The following FRS2 variants were observed in gnomAD, a reference collection of about 807,000 sequenced individuals.
FRS2 encodes FGFR signalling adaptor.
A neutral mutation model predicts 43.9 loss-of-function variants in FRS2; 8 were observed. The observed-to-expected ratio is 0.18, with a 90% CI of 0.11 to 0.33. The LOEUF is 0.33. Among genes scored for constraint, FRS2 ranks in the 10% least tolerant of loss-of-function variants. The probability of loss-of-function intolerance (pLI) is 1.00; values close to 1 mark genes in which losing one functional copy is unlikely to be tolerated. For missense variants in FRS2, 534 were observed against 627.6 expected (o/e 0.85, Z 1.59); for synonymous variants, 219 against 220.3 (o/e 0.99, Z 0.05).
At chr12:69,491,626 A>G (rs568764349) in intron 1 of FRS2, 1 of 148,078 alleles carries the variant, frequency 6.8e-6, no homozygotes, top group South Asian at 2.2e-4. Flanking sequence ...TCAGCCTCCC[A>G]AGTAGGTAGG....
intron 1 of FRS2, among the ~76,000 whole-genome samples, chr12:69,502,123 G>A (rs1353587654): frequency 6.6e-6 from 1 of 151,866 alleles, no homozygotes; most frequent in Non-Finnish European, 1.5e-5. Context: ...CTGCCACCAC[G>A]CCCGGCTAAT....
In FRS2 at chr12:69,532,522, A is replaced by T. The variant is rs572418221; in HGVS notation, c.-122+466A>T. ...TGTGTCCTTGCATGGCAGAAGGTGG[A>T]GGGCAAGCAAAACTAATGCTGAGCA... On this transcript the variant is annotated intron_variant, in intron 3 of 8. Coordinates refer to ENST00000549921, the MANE Select transcript of FRS2 (RefSeq NM_001278356.2). Among the ~76,000 whole-genome samples the T allele has an allele frequency of 2.1e-3, 320 of 152,260 alleles. 9 individuals are homozygous for T. The Middle Eastern group carries it at 0.031, about 15-fold the overall frequency.
intron 1 of FRS2, among the ~76,000 whole-genome samples, chr12:69,496,041 A>G (rs982073659): frequency 1.3e-5 from 2 of 152,234 alleles, no homozygotes; most frequent in Admixed American, 1.3e-4. Flanking sequence ...TTAATATTTG[A>G]CTTACGATAA....
rs1287181147 is a variant in FRS2, at chr12:69,574,341, G to A, written c.913G>A (p.Val305Met). ...RRDAPSVNKL[V>M]YENINGLSIP... ...AGATGCACCCTCTGTTAACAAACTG[G>A]TGTATGAAAATATAAATGGGCTATC... The change falls in exon 9 of 9, where the codon GTG becomes ATG. Residue 305 changes from valine (V) to methionine (M), a missense_variant. By Grantham distance (21) the Val-to-Met change is conservative (BLOSUM62 1). Transcript: ENST00000549921. 29 of 1,613,904 alleles carry A rather than the reference G, an allele frequency of 1.8e-5. No homozygotes were observed. The highest frequency in any genetic ancestry group is 2.2e-5 in the Non-Finnish European group (26 of 1,179,852).
In FRS2 at chr12:69,578,735, T is replaced by C. The variant is rs1006943426; in HGVS notation, c.*3780T>C. ...TGTAAGACTATTGTATGTCCTAATT[T>C]GCATTATAAATGTTTTTTTCCTACG... On this transcript the variant is annotated 3_prime_UTR_variant, in exon 9 of 9. Coordinates refer to ENST00000549921, the MANE Select transcript of FRS2 (RefSeq NM_001278356.2). 2.0e-5 allele frequency: 3 copies of C among 152,678 alleles called. No homozygotes were observed. Among genetic ancestry groups the C allele is most frequent in the African/African-American group, 4.8e-5 (2 of 41,464 alleles). The allele number at this position is 152,678 out of a possible 1,614,324, so 9.5% of individuals were successfully genotyped here.
rs2099369140 is a variant in FRS2, at chr12:69,577,966, G to C, written c.*3011G>C. The C allele has an allele frequency of 6.6e-6, 1 of 152,592 alleles. No homozygotes were observed. Among genetic ancestry groups the C allele is most frequent in the Non-Finnish European group, 1.5e-5 (1 of 68,004 alleles). 9.5% of individuals were successfully genotyped at this position (152,592 alleles called of 1,614,324 possible). On this transcript the variant is annotated 3_prime_UTR_variant, in exon 9 of 9. Coordinates refer to ENST00000549921, the MANE Select transcript of FRS2 (RefSeq NM_001278356.2). The stretch of plus-strand genomic sequence containing the variant: ...GCGTTCAATGTTATAAATAGAACAA[G>C]TCAAGCTAGTGTTTATCTCCTCCCC...
chr12:69,562,194 C>G lies in FRS2; in HGVS notation c.-107C>G. On this transcript the variant is annotated 5_prime_UTR_variant, in exon 4 of 9. Transcript: ENST00000549921. ...TCTGTTTTTAGGTTAAATCAGCAAA[C>G]AAAGAAAACATGGTATTTTGAAATA... 2.5e-6 allele frequency: 1 copy of G among 398,094 alleles called. No individual in the cohort carries two copies. Among genetic ancestry groups the G allele is most frequent in the Non-Finnish European group, 4.4e-6 (1 of 225,828 alleles). 24.7% of individuals were successfully genotyped at this position (398,094 alleles called of 1,614,324 possible).
intron 1 of FRS2, among the ~76,000 whole-genome samples, chr12:69,518,156 A>T (rs1384375949): frequency 6.6e-6 from 1 of 152,172 alleles, no homozygotes; most frequent in Non-Finnish European, 1.5e-5. Flanking sequence ...GTGCTTTGAG[A>T]TATGGATTTA....
rs143289981 is a variant in FRS2, at chr12:69,545,618, G to T, written c.-122+13562G>T. ...TAAAAATACAAAAGATTAGCTGGGT[G>T]TGGTGGCAGACGCCTGTAATCTCAG... On this transcript the variant is annotated intron_variant, in intron 3 of 8. Transcript: ENST00000549921. 3.2e-3 allele frequency among the ~76,000 whole-genome samples: 492 copies of T among 152,130 alleles called. 4 individuals are homozygous for T. Among genetic ancestry groups the T allele is most frequent in the African/African-American group, 0.011 (460 of 41,498 alleles).
At chr12:69,533,343 A>C (rs1411809379) in intron 3 of FRS2, among the ~76,000 whole-genome samples, 1 of 146,530 alleles carries the variant, frequency 6.8e-6, no homozygotes, top group Non-Finnish European at 1.5e-5. Context: ...CCATAAATTT[A>C]AGTTGTCTAG....
At chr12:69,543,854 A>G (rs1878131956) in intron 3 of FRS2, among the ~76,000 whole-genome samples, 1 of 152,170 alleles carries the variant, frequency 6.6e-6, no homozygotes, top group Non-Finnish European at 1.5e-5. Context: ...ATTTTAAGGT[A>G]CATGATCAGT....
intron 1 of FRS2, among the ~76,000 whole-genome samples, chr12:69,499,924 A>ATT (rs1323657653): frequency 6.6e-6 from 1 of 152,148 alleles, no homozygotes; most frequent in Non-Finnish European, 1.5e-5. Context: ...TGGAGAAAAA[A>ATT]TTGAGTTTAA....
At chr12:69,501,228 C>A (rs1445571067) in intron 1 of FRS2, among the ~76,000 whole-genome samples, 1 of 151,956 alleles carries the variant, frequency 6.6e-6, no homozygotes, top group Non-Finnish European at 1.5e-5. Context: ...TCCCCCCTCC[C>A]CCTTTAAAAG....
intron 1 of FRS2, among the ~76,000 whole-genome samples, chr12:69,479,390 C>CTTTTTTTTTTT (rs57688271): frequency 5.8e-5 from 7 of 119,698 alleles, no homozygotes; most frequent in Admixed American, 8.6e-5. Flanking sequence ...TCTGTTGTTT[C>CTTTTTTTTTTT]TTTTTTTTTT....
intron 1 of FRS2, among the ~76,000 whole-genome samples, chr12:69,527,343 ATT>A (rs1166365306): frequency 0.06 from 5,053 of 84,200 alleles, 194 homozygotes; most frequent in Non-Finnish European, 0.081. Context: ...TTTTTTAATG[ATT>A]TTTTTTTTTT....
intron 3 of FRS2, among the ~76,000 whole-genome samples, chr12:69,547,752 A>G (rs1166300381): frequency 1.3e-5 from 2 of 150,250 alleles, no homozygotes; most frequent in East Asian, 3.9e-4. Context: ...GTTAAATTGT[A>G]TCTTTGACAT....
intron 8 of FRS2, among the ~76,000 whole-genome samples, chr12:69,572,793 TA>T (rs1230765036): frequency 6.6e-6 from 1 of 152,232 alleles, no homozygotes; most frequent in Non-Finnish European, 1.5e-5. Flanking sequence ...TTAGTGTTTT[TA>T]AAATCAGTTT....
chr12:69,543,168 T>C (rs1593022443), intron 3 of FRS2, among the ~76,000 whole-genome samples: 1 of 152,222 alleles, frequency 6.6e-6, no homozygotes, highest in African/African-American at 2.4e-5. Context: ...GCTGTCAGTT[T>C]ACAGACAAAT....
chr12:69,543,622 T>G (rs941214865), intron 3 of FRS2, among the ~76,000 whole-genome samples: 1 of 151,566 alleles, frequency 6.6e-6, no homozygotes, highest in Admixed American at 6.6e-5. Flanking sequence ...TAAGGGTTTA[T>G]CTATTTCATA....
Sources: gnomAD v4.1 joint callset for allele counts (sites outside exome capture counted in the v4.1 genomes callset) on GRCh38, gnomAD v4.1.1 for gene constraint, MANE v1.5 for transcripts, NCBI Gene and HGNC (gene_info 2026-07-23, HGNC 2026-07-21) for gene names.